Variants in RALGPS2 observed in about 807,000 individuals in gnomAD.
The protein encoded by RALGPS2 is ras-specific guanine nucleotide-releasing factor RalGPS2.
A neutral mutation model predicts 86.8 loss-of-function variants in RALGPS2; 43 were observed. That is an observed-to-expected ratio of 0.50 (90% CI 0.39 to 0.64). The LOEUF is 0.64. RALGPS2 is among the 30% of genes least tolerant of loss of function. The pLI is 0.00. For synonymous variants in RALGPS2, 243 were observed against 231.3 expected (o/e 1.05, Z -0.46); for missense variants, 536 against 694.6 (o/e 0.77, Z 2.57).
intron 1 of RALGPS2, among the ~76,000 whole-genome samples, chr1:178,754,339 A>G (rs959520088): frequency 6.6e-6 from 1 of 152,102 alleles, no homozygotes; most frequent in African/African-American, 2.4e-5. Flanking sequence ...AAGTCCCAAG[A>G]TATGCCATTG....
At position 178,821,595 on chromosome 1, in the gene RALGPS2, T is replaced by A. The variant is rs747861058; in HGVS notation, c.388-17T>A. On this transcript the variant is annotated splice_polypyrimidine_tract_variant and intron_variant, in intron 6 of 19. Transcript: ENST00000367635. Reference sequence around the variant, plus strand: ...TTCTTTTTCATCCCTCTCCCCCATTTTTTTTCAAATCTTCAGAAACTGTAT... The same window carrying A: ...TTCTTTTTCATCCCTCTCCCCCATTATTTTTCAAATCTTCAGAAACTGTAT... 4.4e-6 allele frequency: 7 copies of A among 1,599,590 alleles called. No homozygotes were observed. In the Admixed American group the frequency reaches 1.2e-4, roughly 27 times the overall value.
At chr1:178,745,777 T>A (rs1206352566) in intron 1 of RALGPS2, among the ~76,000 whole-genome samples, 1 of 152,124 alleles carries the variant, frequency 6.6e-6, no homozygotes, top group Non-Finnish European at 1.5e-5. Flanking sequence ...AAAATGATTT[T>A]TTATCAAATT....
intron 4 of RALGPS2, among the ~76,000 whole-genome samples, chr1:178,797,209 G>A (rs1304171082): frequency 6.6e-6 from 1 of 152,204 alleles, no homozygotes; most frequent in African/African-American, 2.4e-5. Context: ...ATGCAAGATG[G>A]CATCTGTGGC....
intron 4 of RALGPS2, among the ~76,000 whole-genome samples, chr1:178,802,472 A>C (rs1007305716): frequency 1.3e-5 from 2 of 152,140 alleles, no homozygotes; most frequent in Non-Finnish European, 2.9e-5. Flanking sequence ...ATATTGCACT[A>C]AACACGATGA....
intron 13 of RALGPS2, among the ~76,000 whole-genome samples, chr1:178,887,248 T>C (rs530681618): frequency 2.3e-4 from 35 of 151,782 alleles, no homozygotes; most frequent in East Asian, 5.8e-4. Context: ...AGGTCAGGAG[T>C]TCAAAATGAG....
chr1:178,892,291 C>T lies in RALGPS2; in HGVS notation c.1309C>T (p.His437Tyr). 6.2e-7 allele frequency: 1 copy of T among 1,612,526 alleles called. No individual in the cohort carries two copies. The highest frequency in any genetic ancestry group is 8.5e-7 in the Non-Finnish European group (1 of 1,178,986). ...AGTGGCACGAAATGGCTATCGAAGT[C>T]ACATGAAGGCCAGCAGGTACAATTC... Reference protein sequence around the residue: ...TRVARNGYRSHMKASSSAESE... With the variant: ...TRVARNGYRSYMKASSSAESE... Residue 437 changes from histidine (H) to tyrosine (Y), a missense_variant, in exon 15 of 20, where the codon CAC becomes TAC. His to Tyr is a moderately conservative substitution (Grantham distance 83). Around this residue, in one of 3 missense-constraint regions of RALGPS2, gnomAD observed 309 missense variants for 363.0 expected, o/e 0.85. Coordinates refer to ENST00000367635, the MANE Select transcript of RALGPS2 (RefSeq NM_152663.5).
At position 178,734,161 on chromosome 1, in the gene RALGPS2, A is replaced by G. The variant is rs544014811; in HGVS notation, c.-84+8742A>G. Among the ~76,000 whole-genome samples, 3 of 152,374 alleles carry G rather than the reference A, an allele frequency of 2.0e-5. No homozygotes were observed. In the East Asian group the frequency reaches 5.8e-4, roughly 29 times the overall value. ...AAAATGAAATCAAAACCGCAGTGAG[A>G]TACCGCTTCACACCACTAGGATGAC... On this transcript the variant is annotated intron_variant, in intron 1 of 19. Transcript: ENST00000367635.
chr1:178,778,747 A>G (rs1662229124), intron 2 of RALGPS2, among the ~76,000 whole-genome samples: 1 of 149,248 alleles, frequency 6.7e-6, no homozygotes, highest in South Asian at 2.2e-4. Flanking sequence ...CTTTGTAGGG[A>G]CATGGATGAA....
chr1:178,784,409 C>G lies in RALGPS2; in HGVS notation c.58-9C>G. 6.3e-7 allele frequency: 1 copy of G among 1,591,350 alleles called. No homozygotes were observed. Among genetic ancestry groups the G allele is most frequent in the Non-Finnish European group, 8.6e-7 (1 of 1,165,294 alleles). On this transcript the variant is annotated splice_polypyrimidine_tract_variant and intron_variant, in intron 2 of 19. Transcript: ENST00000367635. ...ATGTAAAAGGCTGCATTTTCTTTCA[C>G]TTTAACAGAAAAGTAGCAGCTCTGA...
intron 8 of RALGPS2, among the ~76,000 whole-genome samples, chr1:178,838,173 G>T (rs1656382820): frequency 6.6e-6 from 1 of 152,230 alleles, no homozygotes; most frequent in Non-Finnish European, 1.5e-5. Flanking sequence ...TTTGAAGAGA[G>T]TAATGGTTCT....
intron 18 of RALGPS2, among the ~76,000 whole-genome samples, chr1:178,905,886 C>G (rs1233481435): frequency 1.3e-5 from 2 of 152,074 alleles, no homozygotes; most frequent in African/African-American, 4.8e-5. Context: ...AGAAAGTTGC[C>G]TCCTAGACTT....
chr1:178,763,865 T>A (rs1221040980), intron 1 of RALGPS2, among the ~76,000 whole-genome samples: 2 of 152,118 alleles, frequency 1.3e-5, no homozygotes, highest in African/African-American at 4.8e-5. Context: ...GTGTGCTTTG[T>A]ATGATTTTGT....
chr1:178,730,340 A>G (rs187929427), intron 1 of RALGPS2, among the ~76,000 whole-genome samples: 183 of 152,296 alleles, frequency 1.2e-3, no homozygotes, highest in African/African-American at 4.0e-3. Context: ...TGCCACCTTG[A>G]AATTTCTTTC....
At chr1:178,854,650 A>G (rs1657408795) in intron 8 of RALGPS2, among the ~76,000 whole-genome samples, 1 of 152,156 alleles carries the variant, frequency 6.6e-6, no homozygotes, top group South Asian at 2.1e-4. Context: ...TGTTCTAGAG[A>G]TAGAACGATT....
At chr1:178,739,289 A>G (rs2102018403) in intron 1 of RALGPS2, among the ~76,000 whole-genome samples, 1 of 152,346 alleles carries the variant, frequency 6.6e-6, no homozygotes, top group Middle Eastern at 3.4e-3. Flanking sequence ...TAAGCACAGT[A>G]CTTGAGAGTG....
chr1:178,800,461 A>G (rs2102170438), intron 4 of RALGPS2, among the ~76,000 whole-genome samples: 1 of 152,222 alleles, frequency 6.6e-6, no homozygotes, highest in East Asian at 1.9e-4. Context: ...CACCATGAAG[A>G]TGCAAGGATG....
chr1:178,899,236 T>C (rs1054548736), intron 17 of RALGPS2, among the ~76,000 whole-genome samples: 2 of 151,948 alleles, frequency 1.3e-5, no homozygotes, highest in Non-Finnish European at 1.5e-5. Flanking sequence ...TATTATACTT[T>C]GGGTTTTTAA....
chr1:178,902,381 G>A (rs775514849), intron 18 of RALGPS2, among the ~76,000 whole-genome samples, 170 bp downstream of exon 18: 1 of 152,058 alleles, frequency 6.6e-6, no homozygotes, highest in Admixed American at 6.6e-5. Context: ...GAAAGTATTT[G>A]TGTAGTTTTA....
intron 1 of RALGPS2, among the ~76,000 whole-genome samples, chr1:178,765,306 A>G (rs1456937383): frequency 1.3e-5 from 2 of 152,128 alleles, no homozygotes; most frequent in African/African-American, 4.8e-5. Context: ...ATAAAGGGAA[A>G]GAGTACAGAA....
Sources: gnomAD v4.1 joint callset for allele counts (sites outside exome capture counted in the v4.1 genomes callset) on GRCh38, gnomAD v4.1.1 for gene constraint, gnomAD v4.1.1 regional missense constraint, MANE v1.5 for transcripts, NCBI Gene and HGNC (gene_info 2026-07-23, HGNC 2026-07-21) for gene names.